RHOBTB2: variants seen among roughly 807,000 people sequenced by gnomAD.
RHOBTB2 encodes Rho related BTB domain containing 2.
RHOBTB2 carries 39 observed loss-of-function variants against 66.5 expected under a neutral mutation model. The observed-to-expected ratio is 0.59, with a 90% confidence interval of 0.45 to 0.77. The LOEUF (loss-of-function observed/expected upper bound fraction) is 0.77. Among genes scored for constraint, RHOBTB2 ranks in the 30% least tolerant of loss-of-function variants. The pLI, the probability that RHOBTB2 is intolerant of heterozygous loss-of-function variation, is 0.00. For missense variants in RHOBTB2, 755 were observed against 999.1 expected (o/e 0.76, Z 3.29); for synonymous variants, 390 against 395.0 (o/e 0.99, Z 0.15).
Position 23,006,932 on chromosome 8 carries a change from G to A in RHOBTB2, c.687G>A (p.Leu229=). ...TCCGCAATGTGCAGCGGCCTCTGCT[G>A]CAGGCACCCTTCCTACCCCCCAAGC... ...SHLRNVQRPL[L]QAPFLPPKPP... Residue 229 remains leucine, a synonymous_variant, in exon 5 of 10, where the codon CTG becomes CTA. Coordinates refer to ENST00000251822, the MANE Select transcript of RHOBTB2 (RefSeq NM_015178.3). The surrounding 1 kb of genome is among the most constrained non-coding windows in gnomAD (Gnocchi z 6.1). The A allele has an allele frequency of 6.2e-7, 1 of 1,613,406 alleles. No individual in the cohort carries two copies. Among genetic ancestry groups the A allele is most frequent in the African/African-American group, 1.3e-5 (1 of 75,036 alleles).
At chr8:22,980,797 T>C in the RHOBTB2 span, among the ~76,000 whole-genome samples, 1 of 152,238 alleles carries the variant, frequency 6.6e-6, no homozygotes, top group Non-Finnish European at 1.5e-5. Flanking sequence ...TTCTAACAAC[T>C]TTGTGTGATG....
intron 7 of RHOBTB2, among the ~76,000 whole-genome samples, chr8:23,012,222 T>C (rs1811169070): frequency 6.6e-6 from 1 of 152,172 alleles, no homozygotes; most frequent in African/African-American, 2.4e-5. Flanking sequence ...AGGGGAAAAA[T>C]GCATAAAGGT....
intron 3 of RHOBTB2, 70 bp downstream of exon 3, chr8:23,005,545 A>G (rs1810922160): frequency 9.6e-7 from 1 of 1,042,078 alleles, no homozygotes; most frequent in East Asian, 2.4e-5. Flanking sequence ...CCCAGGAACA[A>G]AGCACCTCTG....
Position 22,999,927 on chromosome 8 carries a change from G to C in RHOBTB2, c.-189G>C, listed in dbSNP as rs192906863. 6.1e-6 allele frequency: 6 copies of C among 985,374 alleles called. No homozygotes were observed. In the East Asian group the frequency reaches 6.8e-4, roughly 112 times the overall value. The allele number at this position is 985,374 out of a possible 1,614,324, so 61.0% of individuals were successfully genotyped here. On this transcript the variant is annotated 5_prime_UTR_variant, in exon 1 of 10. Transcript: ENST00000251822. ...CACGTCCGGCCTGGGCTGCCCTGCC[G>C]GAGTTTCTGAGTGGCCGCGAGCTGG...
At chr8:22,971,103 C>T in the RHOBTB2 span, among the ~76,000 whole-genome samples, 1 of 152,170 alleles carries the variant, frequency 6.6e-6, no homozygotes, top group Non-Finnish European at 1.5e-5. Flanking sequence ...TGAGTCTAAG[C>T]TGAGTTTTCT....
the RHOBTB2 span, among the ~76,000 whole-genome samples, chr8:22,982,188 C>T: frequency 6.6e-6 from 1 of 152,200 alleles, no homozygotes; most frequent in Non-Finnish European, 1.5e-5. Flanking sequence ...CCTATGCCAT[C>T]AAGTAGCCAA....
rs2128808714 is a variant in RHOBTB2, at chr8:23,017,390, T to C, written c.2105T>C (p.Leu702Pro). Reference protein sequence around the residue: ...HLKRQPKRRWLFWNSPSSPSS... With the variant: ...HLKRQPKRRWPFWNSPSSPSS... ...AAGCGGCAGCCCAAACGGCGTTGGC[T>C]CTTCTGGAACAGTCCATCCTCCCCG... Residue 702 changes from leucine (L) to proline (P), a missense_variant, in exon 10 of 10, where the codon CTC (leucine) becomes CCC (proline). Physicochemically the swap from Leu to Pro is moderately conservative, Grantham distance 98. This residue lies in a region of RHOBTB2 where 353 missense variants were observed against 458.2 expected (regional missense o/e 0.77). Transcript: ENST00000251822. The surrounding 1 kb of genome is among the most constrained non-coding windows in gnomAD (Gnocchi z 5.3). The C allele has an allele frequency of 6.2e-7, 1 of 1,614,084 alleles. No homozygotes were observed. Among genetic ancestry groups the C allele is most frequent in the East Asian group, 2.2e-5 (1 of 44,866 alleles).
chr8:23,014,788 C>T lies in RHOBTB2; in HGVS notation c.1860+10C>T. The T allele has an allele frequency of 6.2e-7, 1 of 1,607,068 alleles. No homozygotes were observed. The highest frequency in any genetic ancestry group is 1.1e-5 in the South Asian group (1 of 90,786). On this transcript the variant is annotated intron_variant, in intron 8 of 9. Transcript: ENST00000251822. ...CCTGGAACTGGCTCAGGTATCATGG[C>T]AGGGGAGGGAATCTACAACAGTCTC...
At chr8:22,969,130 G>C in the RHOBTB2 span, among the ~76,000 whole-genome samples, 1 of 152,176 alleles carries the variant, frequency 6.6e-6, no homozygotes, top group African/African-American at 2.4e-5. Context: ...GAAGGTGAAA[G>C]GCACATCTTA....
At chr8:22,964,873 A>C in the RHOBTB2 span, among the ~76,000 whole-genome samples, 2 of 150,446 alleles carry the variant, frequency 1.3e-5, no homozygotes, top group Non-Finnish European at 3.0e-5. Flanking sequence ...CTGGAGTGCA[A>C]TGGTGCGGTC....
chr8:23,014,599 C>T (rs1215292346), intron 7 of RHOBTB2, 91 bp from the exon 8 acceptor site: 23 of 1,232,054 alleles, frequency 1.9e-5, no homozygotes, highest in Non-Finnish European at 1.4e-5. Flanking sequence ...CCTGGTTTTC[C>T]TCACCCTGAA....
upstream of RHOBTB2, among the ~76,000 whole-genome samples, chr8:22,985,777 A>T (rs1469246547): frequency 1.3e-5 from 2 of 152,128 alleles, no homozygotes; most frequent in Non-Finnish European, 2.9e-5. Flanking sequence ...AGGCACTCCA[A>T]TGCCCCTGAC....
chr8:22,971,372 G>A, the RHOBTB2 span, among the ~76,000 whole-genome samples: 2 of 150,236 alleles, frequency 1.3e-5, no homozygotes, highest in African/African-American at 4.9e-5. Flanking sequence ...TTAAGTAGAG[G>A]TGAGGTCTTG....
At chr8:22,968,315 T>TA in the RHOBTB2 span, among the ~76,000 whole-genome samples, 2 of 152,126 alleles carry the variant, frequency 1.3e-5, no homozygotes, top group East Asian at 3.8e-4. Context: ...ATCATAAATA[T>TA]ATATGGAGAA....
At chr8:23,011,106 T>A (rs995707424) in intron 7 of RHOBTB2, among the ~76,000 whole-genome samples, 3 of 152,060 alleles carry the variant, frequency 2.0e-5, no homozygotes, top group Non-Finnish European at 4.4e-5. Flanking sequence ...ATATAAAAAT[T>A]AGCTGTGTTT....
chr8:23,010,095 G>C (rs1240043860), intron 6 of RHOBTB2, among the ~76,000 whole-genome samples: 3 of 132,228 alleles, frequency 2.3e-5, no homozygotes, highest in African/African-American at 8.5e-5. Flanking sequence ...CCTCCTTCAA[G>C]CATCCCGCGA....
chr8:22,978,795 C>T, the RHOBTB2 span, among the ~76,000 whole-genome samples: 4 of 151,890 alleles, frequency 2.6e-5, no homozygotes, highest in South Asian at 6.2e-4. Context: ...AAACATATAA[C>T]AGTATATGAC....
intron 6 of RHOBTB2, among the ~76,000 whole-genome samples, chr8:23,009,184 G>GAGAGAGAA (rs1209647051): frequency 1.6e-5 from 2 of 128,658 alleles, no homozygotes; most frequent in Admixed American, 8.2e-5. Context: ...GAGAGAGAGA[G>GAGAGAGAA]AAAAGAAGGA....
chr8:22,968,449 A>G, the RHOBTB2 span, among the ~76,000 whole-genome samples: 45 of 152,176 alleles, frequency 3.0e-4, no homozygotes, highest in Non-Finnish European at 4.1e-4. Flanking sequence ...AGTTTTCCTT[A>G]TGAATTCATA....
Sources: allele counts gnomAD v4.1 joint callset (sites outside exome capture counted in the v4.1 genomes callset), GRCh38; gene constraint gnomAD v4.1.1; regional missense constraint gnomAD v4.1.1; non-coding constraint Gnocchi (gnomAD v3.1); transcripts MANE v1.5; gene names NCBI Gene and HGNC (gene_info 2026-07-23, HGNC 2026-07-21).